Variants in PCDH10 observed in about 807,000 individuals in gnomAD.
PCDH10 encodes protocadherin-10.
A neutral mutation model predicts 74.4 loss-of-function variants in PCDH10; 15 were observed. The observed-to-expected ratio is 0.20, with a 90% CI of 0.13 to 0.31. The LOEUF (loss-of-function observed/expected upper bound fraction) is 0.31. PCDH10 is among the 10% of genes least tolerant of loss of function. The pLI is 1.00. For synonymous variants in PCDH10, 619 were observed against 589.8 expected (o/e 1.05, Z -0.72); for missense variants, 1,260 against 1,390.2 (o/e 0.91, Z 1.49).
Position 133,151,685 on chromosome 4 carries a change from C to T in PCDH10, c.1545C>T (p.Tyr515=), listed in dbSNP as rs746069561. The part of the protein sequence containing the change: ...CQIQGMSVFT[Y]VSINSENGYL... Reference sequence around the variant, plus strand: ...TCCAGGGCATGAGCGTCTTCACCTACGTTTCTATCAACTCTGAGAACGGCT... The same window carrying T: ...TCCAGGGCATGAGCGTCTTCACCTATGTTTCTATCAACTCTGAGAACGGCT... The change falls in exon 1 of 5, where the codon TAC becomes TAT. Residue 515 remains tyrosine, a synonymous_variant. Coordinates refer to ENST00000264360, the MANE Select transcript of PCDH10 (RefSeq NM_032961.3). The T allele has an allele frequency of 3.1e-6, 5 of 1,613,432 alleles. No individual in the cohort carries two copies. The South Asian group carries it at 4.4e-5, about 14-fold the overall frequency.
chr4:133,171,986 A>G (rs902511204), intron 4 of PCDH10, among the ~76,000 whole-genome samples: 4 of 152,042 alleles, frequency 2.6e-5, no homozygotes, highest in Non-Finnish European at 4.4e-5. Flanking sequence ...ACAATATTAT[A>G]CAGAATCTGG....
intron 4 of PCDH10, among the ~76,000 whole-genome samples, chr4:133,172,461 G>A (rs1227563784): frequency 6.6e-6 from 1 of 151,636 alleles, no homozygotes; most frequent in South Asian, 2.1e-4. Context: ...ATATAGAAAA[G>A]TACAAAAATC....
intron 4 of PCDH10, among the ~76,000 whole-genome samples, chr4:133,188,517 T>G (rs564620945): frequency 1.3e-5 from 2 of 152,118 alleles, no homozygotes. Flanking sequence ...CTACCATATA[T>G]TGTATCGAAT....
intron 1 of PCDH10, 114 bp downstream of exon 1, chr4:133,152,885 G>T: frequency 6.7e-7 from 1 of 1,488,542 alleles, no homozygotes; most frequent in Non-Finnish European, 9.0e-7. Context: ...ATTAGCTTAT[G>T]TGTATCGTTG....
At chr4:133,199,008 C>A (rs1039415094), downstream of PCDH10, among the ~76,000 whole-genome samples, 1 of 152,092 alleles carries the variant, frequency 6.6e-6, no homozygotes, top group Admixed American at 6.6e-5. Context: ...GCCTGGCTGG[C>A]GGCTCACACT....
chr4:133,198,058 G>T (rs1727829109), downstream of PCDH10, among the ~76,000 whole-genome samples: 1 of 150,384 alleles, frequency 6.6e-6, no homozygotes, highest in African/African-American at 2.4e-5. Context: ...GAAAATAAAA[G>T]ATAATATTAT....
intron 4 of PCDH10, among the ~76,000 whole-genome samples, chr4:133,178,442 G>T (rs1321215994): frequency 6.6e-6 from 1 of 151,916 alleles, no homozygotes; most frequent in Admixed American, 6.6e-5. Context: ...CTCCATGTTG[G>T]TCAGGCTGGT....
In PCDH10 at chr4:133,199,908, C is replaced by T. The variant is rs914716710; in HGVS notation, n.438-8168C>T. 1.2e-3 allele frequency among the ~76,000 whole-genome samples: 182 copies of T among 151,188 alleles called. 1 individual carries two copies. The highest frequency in any genetic ancestry group is 4.1e-3 in the African/African-American group (170 of 41,356). On this transcript the variant is annotated intron_variant and non_coding_transcript_variant, in intron 2 of 2. Transcript: ENST00000511112. ...CGCCTCCCGAGTTCACGCCATTCTGCTGCCTCAGCCTCCCGAGCTGCTGGG... is the reference window on the plus strand; with the variant it reads ...CGCCTCCCGAGTTCACGCCATTCTGTTGCCTCAGCCTCCCGAGCTGCTGGG...
Position 133,192,191 on chromosome 4 carries a change from CACTAAGTGCAGCAGTA to C in PCDH10, c.*2034_*2049del, listed in dbSNP as rs1324913224. The C allele has an allele frequency of 4.6e-5, 7 of 151,532 alleles. No homozygotes were observed. The highest frequency in any genetic ancestry group is 1.7e-4 in the African/African-American group (7 of 41,366). The allele number at this position is 151,532 out of a possible 1,614,324, so 9.4% of individuals were successfully genotyped here. On this transcript the variant is annotated 3_prime_UTR_variant, in exon 5 of 5. Transcript: ENST00000264360. ...ATGTAATACAAAAAGCACATAAATT[CACTAAGTGCAGCAGTA>C]ACATTTTCTTAAACTTTGGCATTAC...
chr4:133,188,923 A>G (rs1727598745), intron 4 of PCDH10, among the ~76,000 whole-genome samples: 1 of 151,474 alleles, frequency 6.6e-6, no homozygotes, highest in South Asian at 2.1e-4. Flanking sequence ...GACCCACCCA[A>G]CTCGGACTTC....
At chr4:133,200,353 C>G (rs1163604367) in intron 2 of PCDH10, among the ~76,000 whole-genome samples, 2 of 151,614 alleles carry the variant, frequency 1.3e-5, no homozygotes, top group African/African-American at 4.8e-5. Flanking sequence ...TTAACTCAAA[C>G]CTTCTGGCAT....
intron 4 of PCDH10, among the ~76,000 whole-genome samples, chr4:133,166,376 A>C (rs1288310030): frequency 6.6e-6 from 1 of 151,570 alleles, no homozygotes; most frequent in East Asian, 1.9e-4. Context: ...GTTAAAATGA[A>C]AGAAAATATT....
Position 133,191,550 on chromosome 4 carries a change from TATTA to T in PCDH10, c.*1395_*1398del, listed in dbSNP as rs991067531. 2 of 152,130 alleles carry T rather than the reference TATTA, an allele frequency of 1.3e-5. No homozygotes were observed. The highest frequency in any genetic ancestry group is 3.0e-5 in the Non-Finnish European group (2 of 67,746). The allele number at this position is 152,130 out of a possible 1,614,324, so 9.4% of individuals were successfully genotyped here. On this transcript the variant is annotated 3_prime_UTR_variant, in exon 5 of 5. Coordinates refer to ENST00000264360, the MANE Select transcript of PCDH10 (RefSeq NM_032961.3). ...TTGCCTTTTACTTTTATGTCAACAA[TATTA>T]ATTATTAAATTTAGTAAGACGCACT...
chr4:133,182,029 G>A (rs569554750), intron 4 of PCDH10, among the ~76,000 whole-genome samples: 4 of 151,932 alleles, frequency 2.6e-5, no homozygotes, highest in African/African-American at 9.6e-5. Context: ...TTTTAATGAA[G>A]GTCTTATTAT....
chr4:133,190,960 A>T lies in PCDH10; in HGVS notation c.*800A>T, dbSNP rs1727654012. 6.6e-6 allele frequency: 1 copy of T among 152,282 alleles called. No homozygotes were observed. The highest frequency in any genetic ancestry group is 2.1e-4 in the South Asian group (1 of 4,826). The allele number at this position is 152,282 out of a possible 1,614,324, so 9.4% of individuals were successfully genotyped here. A position where few individuals can be genotyped will look rare whatever the true frequency, so the allele number is the denominator to read the frequency against. ...GTTTTTCCTTGTTTAAAAGAAAATG[A>T]TGCTCTAAGCTACAAAATTTTGTCA... On this transcript the variant is annotated 3_prime_UTR_variant, in exon 5 of 5. Coordinates refer to ENST00000264360, the MANE Select transcript of PCDH10 (RefSeq NM_032961.3).
At chr4:133,181,082 G>A (rs1727404924) in intron 4 of PCDH10, among the ~76,000 whole-genome samples, 1 of 151,366 alleles carries the variant, frequency 6.6e-6, no homozygotes, top group Admixed American at 6.6e-5. Context: ...TTTAGGATAG[G>A]CAATTAAAAA....
intron 1 of PCDH10, 141 bp downstream of exon 1, chr4:133,152,912 C>G: frequency 6.8e-7 from 1 of 1,461,366 alleles, no homozygotes; most frequent in Non-Finnish European, 9.1e-7. Context: ...CAGAGATGGG[C>G]GGTCACCTTC....
chr4:133,173,996 A>C (rs1244931366), intron 4 of PCDH10, among the ~76,000 whole-genome samples: 1 of 151,946 alleles, frequency 6.6e-6, no homozygotes, highest in East Asian at 1.9e-4. Flanking sequence ...TATACAACGA[A>C]GTCAGTTTAC....
At chr4:133,153,194 T>G (rs1183915860) in intron 1 of PCDH10, 1 of 1,075,132 alleles carries the variant, frequency 9.3e-7, no homozygotes, top group African/African-American at 1.7e-5. Context: ...TATTTTGCTT[T>G]GTTTAACGAT....
Sources: allele counts gnomAD v4.1 joint callset (sites outside exome capture counted in the v4.1 genomes callset), GRCh38; gene constraint gnomAD v4.1.1; transcripts MANE v1.5; gene names NCBI Gene and HGNC (gene_info 2026-07-23, HGNC 2026-07-21).